WWOX: variants seen among roughly 807,000 people sequenced by gnomAD.
The protein encoded by WWOX is WW domain-containing oxidoreductase.
Under a neutral mutation model 46.2 loss-of-function variants are expected in WWOX, and 69 were observed. The ratio of observed to expected loss-of-function variants is 1.49; its 90% CI spans 1.23 to 1.82. The LOEUF (loss-of-function observed/expected upper bound fraction) is 1.82. Among genes scored for constraint, WWOX ranks in the 40% most tolerant of loss-of-function variants. WWOX has a pLI of 0.00. For missense variants in WWOX, 919 were observed against 542.6 expected (o/e 1.69, Z -6.89); for synonymous variants, 359 against 202.6 (o/e 1.77, Z -6.56).
intron 5 of WWOX, among the ~76,000 whole-genome samples, chr16:78,221,597 A>C (rs1185791382): frequency 6.6e-6 from 1 of 152,290 alleles, no homozygotes; most frequent in East Asian, 1.9e-4. Flanking sequence ...AACAAATCAC[A>C]ATATTGAAGC....
Position 78,606,126 on chromosome 16 carries a change from C to G in WWOX, c.1056+173374C>G, listed in dbSNP as rs145490569. On this transcript the variant is annotated intron_variant, in intron 8 of 8. Coordinates refer to ENST00000566780, the MANE Select transcript of WWOX (RefSeq NM_016373.4). ...TTATGGCTATCAAACTACTAGTCCA[C>G]AACCAATCATCATGGTTTCGTTAAC... 1.6e-3 allele frequency among the ~76,000 whole-genome samples: 251 copies of G among 152,318 alleles called. 1 individual carries two copies. The highest frequency in any genetic ancestry group is 5.8e-3 in the African/African-American group (243 of 41,584).
rs567276291 is a variant in WWOX at position 78,165,682 on chromosome 16, C to G, written c.516+1393C>G. ...CATTTTTGAATGCTGTGAAAGATTT[C>G]TTGCCATTTGAAGAAATAGACTACA... On this transcript the variant is annotated intron_variant, in intron 5 of 8. Transcript: ENST00000566780. Among the ~76,000 whole-genome samples, 744 of 152,256 alleles carry G rather than the reference C, an allele frequency of 4.9e-3. 4 individuals carry two copies. Among genetic ancestry groups the G allele is most frequent in the Non-Finnish European group, 8.9e-3 (603 of 68,022 alleles).
chr16:78,378,296 CAGAA>C (rs1358418361), intron 5 of WWOX, among the ~76,000 whole-genome samples: 1 of 152,074 alleles, frequency 6.6e-6, no homozygotes, highest in Non-Finnish European at 1.5e-5. Flanking sequence ...CGAATCCTAT[CAGAA>C]AGAACATTTA....
chr16:78,760,986 C>G (rs918196407), intron 8 of WWOX, among the ~76,000 whole-genome samples: 1 of 152,120 alleles, frequency 6.6e-6, no homozygotes, highest in Non-Finnish European at 1.5e-5. Context: ...GAGACTTATT[C>G]ACTATCATGA....
chr16:78,100,416 C>T (rs985665747), intron 1 of WWOX, among the ~76,000 whole-genome samples: 1 of 152,130 alleles, frequency 6.6e-6, no homozygotes, highest in South Asian at 2.1e-4. Context: ...CTATGCCCGA[C>T]TAATTTTTTA....
At chr16:78,126,048 G>A (rs1481966815) in intron 4 of WWOX, among the ~76,000 whole-genome samples, 2 of 152,008 alleles carry the variant, frequency 1.3e-5, no homozygotes, top group African/African-American at 2.4e-5. Context: ...CCCTTCTTTC[G>A]TGATTTTTCT....
intron 8 of WWOX, among the ~76,000 whole-genome samples, chr16:78,953,250 A>G (rs772670697): frequency 6.7e-6 from 1 of 149,452 alleles, no homozygotes; most frequent in Non-Finnish European, 1.5e-5. Context: ...CTTGGTCTAT[A>G]TAGGATAATA....
At chr16:78,763,859 A>C (rs912382737) in intron 8 of WWOX, among the ~76,000 whole-genome samples, 19 of 152,164 alleles carry the variant, frequency 1.2e-4, no homozygotes, top group African/African-American at 4.1e-4. Flanking sequence ...ATTGCCCTGC[A>C]GAGTTTTTGG....
chr16:78,770,686 C>T (rs1486741204), intron 8 of WWOX, among the ~76,000 whole-genome samples: 1 of 151,498 alleles, frequency 6.6e-6, no homozygotes, highest in Non-Finnish European at 1.5e-5. Flanking sequence ...AGTGAACCGC[C>T]CACAGGGAGA....
chr16:78,529,647 T>G (rs2043571068), intron 8 of WWOX, among the ~76,000 whole-genome samples: 1 of 151,950 alleles, frequency 6.6e-6, no homozygotes, highest in Admixed American at 6.6e-5. Context: ...TTTTTTATTT[T>G]TAGTAGAGAT....
chr16:78,488,423 G>C (rs574744200), intron 8 of WWOX, among the ~76,000 whole-genome samples: 2 of 152,168 alleles, frequency 1.3e-5, no homozygotes, highest in African/African-American at 2.4e-5. Context: ...GTACACCTGA[G>C]CCCTTTTTTA....
chr16:78,534,084 T>C (rs2738497), intron 8 of WWOX, among the ~76,000 whole-genome samples: 119,691 of 152,138 alleles, frequency 0.79, 49,156 homozygotes, highest in East Asian at 0.93. Flanking sequence ...AAAATAAATA[T>C]TAGAATCATT....
chr16:78,464,186 T>C (rs1466883931), intron 8 of WWOX, among the ~76,000 whole-genome samples: 1 of 152,014 alleles, frequency 6.6e-6, no homozygotes, highest in Non-Finnish European at 1.5e-5. Context: ...CAAGGGACTC[T>C]GTGGGTTGTC....
intron 8 of WWOX, among the ~76,000 whole-genome samples, chr16:79,041,640 C>T (rs558504102): frequency 5.3e-5 from 8 of 152,228 alleles, no homozygotes; most frequent in African/African-American, 1.9e-4. Context: ...AGTAGCAGGC[C>T]ACCAAGAGCC....
At chr16:79,102,515 G>C (rs948874434) in intron 8 of WWOX, among the ~76,000 whole-genome samples, 1 of 152,190 alleles carries the variant, frequency 6.6e-6, no homozygotes, top group African/African-American at 2.4e-5. Context: ...TGCTTTTCAA[G>C]ATTGTTAAAA....
chr16:78,529,241 T>C (rs980680462), intron 8 of WWOX, among the ~76,000 whole-genome samples: 1 of 152,080 alleles, frequency 6.6e-6, no homozygotes, highest in African/African-American at 2.4e-5. Flanking sequence ...GGGTATGAGC[T>C]ACTGTACCCG....
chr16:78,365,084 T>C (rs561595732), intron 5 of WWOX, among the ~76,000 whole-genome samples: 3 of 152,348 alleles, frequency 2.0e-5, no homozygotes, highest in African/African-American at 7.2e-5. Flanking sequence ...GTTTATGAGC[T>C]TAAGTTATGT....
At chr16:78,880,640 T>C (rs1019157226) in intron 8 of WWOX, among the ~76,000 whole-genome samples, 2 of 152,222 alleles carry the variant, frequency 1.3e-5, no homozygotes, top group Admixed American at 1.3e-4. Context: ...GCTCCTTATT[T>C]ATTATTGGTG....
At chr16:79,001,421 T>C (rs1248742861) in intron 8 of WWOX, among the ~76,000 whole-genome samples, 1 of 152,118 alleles carries the variant, frequency 6.6e-6, no homozygotes, top group Non-Finnish European at 1.5e-5. Flanking sequence ...GTAACTCGAG[T>C]GTTCTGTGAA....
Sources: allele counts gnomAD v4.1 joint callset (sites outside exome capture counted in the v4.1 genomes callset), GRCh38; gene constraint gnomAD v4.1.1; transcripts MANE v1.5; gene names NCBI Gene and HGNC (gene_info 2026-07-23, HGNC 2026-07-21).